Variants in CNGA1 observed in about 807,000 individuals in gnomAD.
CNGA1 encodes cyclic nucleotide gated channel subunit alpha 1, also known as cyclic nucleotide-gated channel alpha-1.
CNGA1 carries 53 observed loss-of-function variants against 69.7 expected under a neutral mutation model. That is an observed-to-expected ratio of 0.76 (90% confidence interval 0.61 to 0.96). The LOEUF (loss-of-function observed/expected upper bound fraction) is 0.96. CNGA1 is among the 40% of genes least tolerant of loss of function. The probability of loss-of-function intolerance (pLI) is 0.00; values close to 1 mark genes in which losing one functional copy is unlikely to be tolerated. For missense variants in CNGA1, 739 were observed against 811.2 expected (o/e 0.91, Z 1.08); for synonymous variants, 249 against 283.5 (o/e 0.88, Z 1.22).
intron 2 of CNGA1, among the ~76,000 whole-genome samples, chr4:47,996,813 A>G (rs971521308): frequency 3.9e-5 from 6 of 152,148 alleles, no homozygotes; most frequent in Admixed American, 2.6e-4. Context: ...TAATCCTAGC[A>G]CTTTGGGAGG....
chr4:47,937,208 T>C lies in CNGA1; in HGVS notation c.1274A>G (p.Asp425Gly), dbSNP rs1009438460. 1.3e-5 allele frequency: 21 copies of C among 1,614,086 alleles called. No individual in the cohort carries two copies. The highest frequency in any genetic ancestry group is 1.7e-5 in the Non-Finnish European group (20 of 1,180,046). ...CCATTTAATAACCCTCTTTTCCATA[T>C]CTTTGCTTACATTTCGAAAATGCAT... ...QYMHFRNVSK[D>G]MEKRVIKWFD... The change falls in exon 11 of 11, where the codon GAT becomes GGT. Residue 425 changes from aspartate (D) to glycine (G), a missense_variant. Coordinates refer to ENST00000514170, the MANE Select transcript of CNGA1 (RefSeq NM_001379270.1).
At chr4:47,990,913 G>C (rs1050244248) in intron 2 of CNGA1, among the ~76,000 whole-genome samples, 1 of 152,134 alleles carries the variant, frequency 6.6e-6, no homozygotes, top group African/African-American at 2.4e-5. Flanking sequence ...TCCCATTCCT[G>C]AGTTACTTCA....
chr4:47,996,964 G>C (rs998877343), intron 2 of CNGA1, among the ~76,000 whole-genome samples: 1 of 152,102 alleles, frequency 6.6e-6, no homozygotes, highest in Admixed American at 6.5e-5. Context: ...GGAGGCTGAG[G>C]CAGGAGAATC....
At chr4:47,980,656 T>C (rs1484437564) in intron 3 of CNGA1, among the ~76,000 whole-genome samples, 1 of 151,840 alleles carries the variant, frequency 6.6e-6, no homozygotes, top group Non-Finnish European at 1.5e-5. Context: ...TTGCATTTTT[T>C]TAGAGACAAG....
chr4:47,937,390 AG>A lies in CNGA1; in HGVS notation c.1091del (p.Pro364LeufsTer3), dbSNP rs1428479359. 2.5e-6 allele frequency: 4 copies of A among 1,614,034 alleles called. No individual in the cohort carries two copies. The African/African-American group carries it at 5.3e-5, about 22-fold the overall frequency. ...AGACATACTCAGAATCCCTCACGGG[AG>A]GGGGTGTTTCACCAATGGTAGTCAA... is the stretch of plus-strand genomic sequence containing the variant. ...LTLTTIGETP[P>X]PVRDSEYVFV... On this transcript the variant is annotated frameshift_variant, in exon 11 of 11. Coordinates refer to ENST00000514170, the MANE Select transcript of CNGA1 (RefSeq NM_001379270.1). LOFTEE classifies it high-confidence loss of function.
At chr4:47,975,440 G>C (rs1205975604) in intron 3 of CNGA1, among the ~76,000 whole-genome samples, 1 of 152,140 alleles carries the variant, frequency 6.6e-6, no homozygotes, top group African/African-American at 2.4e-5. Context: ...AAATGTTAAA[G>C]TAGTATCTAC....
intron 3 of CNGA1, among the ~76,000 whole-genome samples, chr4:47,980,057 C>T (rs889154711): frequency 2.6e-5 from 4 of 152,110 alleles, no homozygotes; most frequent in Non-Finnish European, 4.4e-5. Context: ...GAAAAGAGGG[C>T]GTATTCTCTA....
intron 2 of CNGA1, among the ~76,000 whole-genome samples, chr4:47,993,495 G>A (rs754876965): frequency 9.9e-5 from 15 of 151,922 alleles, no homozygotes; most frequent in South Asian, 4.1e-4. Flanking sequence ...TAGTAGCCTC[G>A]AATAATCTTT....
chr4:47,970,582 G>A (rs1166197842), intron 3 of CNGA1, among the ~76,000 whole-genome samples: 1 of 151,852 alleles, frequency 6.6e-6, no homozygotes, highest in Admixed American at 6.6e-5. Context: ...AACCAGGGAA[G>A]TGGAGGTTGT....
chr4:47,995,623 AC>A (rs869299120), intron 2 of CNGA1, among the ~76,000 whole-genome samples: 1 of 147,120 alleles, frequency 6.8e-6, no homozygotes, highest in African/African-American at 2.6e-5. Flanking sequence ...TTAATAACTA[AC>A]CCCCTGAATT....
At chr4:47,995,624 C>A (rs908624729) in intron 2 of CNGA1, among the ~76,000 whole-genome samples, 2 of 147,830 alleles carry the variant, frequency 1.4e-5, no homozygotes, top group African/African-American at 5.2e-5. Flanking sequence ...TAATAACTAA[C>A]CCCCTGAATT....
At chr4:48,010,985 C>T (rs1441338850) in intron 1 of CNGA1, 92 bp from the exon 2 acceptor site, 1 of 152,334 alleles carries the variant, frequency 6.6e-6, no homozygotes, top group South Asian at 2.1e-4. Context: ...GGGAGGGGAC[C>T]CAAAGGGGGT....
chr4:47,983,579 G>T (rs1400826661), intron 2 of CNGA1, among the ~76,000 whole-genome samples: 1 of 151,898 alleles, frequency 6.6e-6, no homozygotes, highest in Non-Finnish European at 1.5e-5. Flanking sequence ...GACAGAGCGA[G>T]ACTTTGTCTC....
At chr4:48,013,725 A>G (rs1715263235) in intron 1 of CNGA1, among the ~76,000 whole-genome samples, 1 of 152,126 alleles carries the variant, frequency 6.6e-6, no homozygotes, top group Admixed American at 6.5e-5. Flanking sequence ...ATTTTCTTTC[A>G]CAACTCAATA....
chr4:47,937,438 G>C lies in CNGA1; in HGVS notation c.1044C>G (p.Ser348Arg), dbSNP rs759079269. ...FGRLARKYVY[S>R]LYWSTLTLTT... is the part of the protein sequence containing the mutation. ...TCAAAGTCAGTGTAGACCAGTAAAG[G>C]CTGTATACGTATTTTCTAGCCAAAC... The change falls in exon 11 of 11, where the codon AGC becomes AGG. Residue 348 changes from serine to arginine, a missense_variant. Physicochemically the swap from Ser to Arg is moderately radical, Grantham distance 110 (BLOSUM62 -1). Transcript: ENST00000514170. 8.1e-6 allele frequency: 13 copies of C among 1,613,954 alleles called. No individual in the cohort carries two copies. In the African/African-American group the frequency reaches 1.1e-4, roughly 13 times the overall value.
At chr4:47,962,210 GGTGT>G (rs1740481995) in intron 3 of CNGA1, among the ~76,000 whole-genome samples, 1 of 151,966 alleles carries the variant, frequency 6.6e-6, no homozygotes, top group South Asian at 2.1e-4. Flanking sequence ...TGGGTGTGGT[GGTGT>G]GTGCCTGTAA....
At chr4:47,974,802 G>A (rs1741263197) in intron 3 of CNGA1, among the ~76,000 whole-genome samples, 1 of 151,606 alleles carries the variant, frequency 6.6e-6, no homozygotes, top group African/African-American at 2.4e-5. Flanking sequence ...AACAGCCAGT[G>A]CCTGAAAATA....
At chr4:48,007,922 C>T (rs1260364586) in intron 2 of CNGA1, among the ~76,000 whole-genome samples, 6 of 152,046 alleles carry the variant, frequency 3.9e-5, no homozygotes, top group African/African-American at 1.4e-4. Flanking sequence ...TGAAGGAAAC[C>T]ATTATTATTT....
In CNGA1 at chr4:47,936,791, A is replaced by G. The variant is rs1333894838; in HGVS notation, c.1691T>C (p.Ile564Thr). The change falls in exon 11 of 11, where the codon ATT becomes ACT. Residue 564 changes from isoleucine (I) to threonine (T), a missense_variant. Physicochemically the swap from Ile to Thr is moderately conservative, Grantham distance 89 (BLOSUM62 -1). Transcript: ENST00000514170. The part of the protein sequence containing the change: ...GNRRTANIKS[I>T]GYSDLFCLSK... ...GAGACAGAACAGGTCTGAGTAGCCA[A>G]TACTTTTAATATTGGCCGTTCTTCG... The G allele has an allele frequency of 1.9e-6, 3 of 1,614,012 alleles. No homozygotes were observed. The highest frequency in any genetic ancestry group is 1.7e-5 in the Admixed American group (1 of 59,996).
Sources: allele counts gnomAD v4.1 joint callset (sites outside exome capture counted in the v4.1 genomes callset), GRCh38; gene constraint gnomAD v4.1.1; transcripts MANE v1.5; gene names NCBI Gene and HGNC (gene_info 2026-07-23, HGNC 2026-07-21).